Variants in XRN1 observed in about 807,000 individuals in gnomAD.
The protein encoded by XRN1 is strand-exchange protein 1 homolog.
XRN1 carries 67 observed loss-of-function variants against 222.3 expected under a neutral mutation model. That is an observed-to-expected ratio of 0.30 (90% CI 0.25 to 0.37). The LOEUF (loss-of-function observed/expected upper bound fraction) is 0.37. Ranked by LOEUF, XRN1 falls within the 10% of genes least tolerant of loss-of-function variation. The probability of loss-of-function intolerance (pLI) is 1.00; values close to 1 mark genes in which losing one functional copy is unlikely to be tolerated. For synonymous variants in XRN1, 643 were observed against 652.4 expected (o/e 0.99, Z 0.22); for missense variants, 1,707 against 2,000.2 (o/e 0.85, Z 2.80).
At chr3:142,377,213 G>A (rs2067170347) in intron 23 of XRN1, among the ~76,000 whole-genome samples, 1 of 147,134 alleles carries the variant, frequency 6.8e-6, no homozygotes. Context: ...AAAACATATT[G>A]TCACATTAAA....
intron 33 of XRN1, among the ~76,000 whole-genome samples, chr3:142,346,319 T>A (rs1386475571): frequency 6.6e-6 from 1 of 152,206 alleles, no homozygotes; most frequent in South Asian, 2.1e-4. Flanking sequence ...AGTGTAGTAT[T>A]TGCATATAAT....
At chr3:142,400,739 T>G (rs1258315621) in intron 18 of XRN1, among the ~76,000 whole-genome samples, 192 bp from the exon 19 acceptor site, 1 of 152,078 alleles carries the variant, frequency 6.6e-6, no homozygotes, top group African/African-American at 2.4e-5. Context: ...GCAAACATGA[T>G]GAAACCCCAT....
intron 3 of XRN1, among the ~76,000 whole-genome samples, chr3:142,426,070 C>T (rs184196783): frequency 3.3e-5 from 5 of 152,138 alleles, no homozygotes; most frequent in African/African-American, 9.6e-5. Flanking sequence ...TCTAAAACCA[C>T]AATCAGGATA....
chr3:142,429,872 G>A (rs2069448797), intron 2 of XRN1: 1 of 152,170 alleles, frequency 6.6e-6, no homozygotes, highest in South Asian at 2.1e-4. Context: ...TTTCAGCAAT[G>A]GTAAAGAAGA....
chr3:142,427,936 T>A (rs753335862), intron 2 of XRN1, among the ~76,000 whole-genome samples: 1 of 152,236 alleles, frequency 6.6e-6, no homozygotes, highest in Non-Finnish European at 1.5e-5. Flanking sequence ...CAAGTTTAAC[T>A]TCTCTCTCAC....
chr3:142,316,947 A>G (rs1211082846), intron 39 of XRN1, among the ~76,000 whole-genome samples: 4 of 152,170 alleles, frequency 2.6e-5, no homozygotes, highest in Admixed American at 6.5e-5. Context: ...GTATCTGAAA[A>G]TATCTTTGTG....
At position 142,447,432 on chromosome 3, in the gene XRN1, C is replaced by G. The variant is rs1315500275; in HGVS notation, c.75+438G>C. Among the ~76,000 whole-genome samples, 1 of 152,176 alleles carries G rather than the reference C, an allele frequency of 6.6e-6. No individual in the cohort carries two copies. The highest frequency in any genetic ancestry group is 6.5e-5 in the Admixed American group (1 of 15,282). The stretch of plus-strand genomic sequence containing the variant: ...TCAGGGAAAGTAAACAAGGTGACTG[C>G]GTGCGGAAGCGGCTGTTATCGTCTG... On this transcript the variant is annotated intron_variant, in intron 1 of 40. Coordinates refer to ENST00000392981, the MANE Select transcript of XRN1 (RefSeq NM_001282857.2). This position sits in a 1 kb window ranked among gnomAD's most constrained non-coding sequence, Gnocchi z 4.2.
At chr3:142,329,713 G>T in intron 36 of XRN1, 98 bp from the exon 37 acceptor site, 1 of 1,199,074 alleles carries the variant, frequency 8.3e-7, no homozygotes, top group Non-Finnish European at 1.1e-6. Flanking sequence ...GCAGGAAACT[G>T]CTAAAAAGTG....
At chr3:142,408,156 C>T (rs542783145) in intron 15 of XRN1, among the ~76,000 whole-genome samples, 3 of 152,206 alleles carry the variant, frequency 2.0e-5, no homozygotes, top group Non-Finnish European at 2.9e-5. Context: ...TTTTTCTTGA[C>T]ACCAACACCC....
chr3:142,431,918 A>AT (rs1475110836), intron 2 of XRN1, among the ~76,000 whole-genome samples: 6 of 79,060 alleles, frequency 7.6e-5, no homozygotes, highest in East Asian at 3.8e-4. Flanking sequence ...ATATAAATAT[A>AT]TATAATATAA....
chr3:142,307,141 C>T lies in XRN1; in HGVS notation c.*4370G>A, dbSNP rs993684440. On this transcript the variant is annotated 3_prime_UTR_variant, in exon 41 of 41. Coordinates refer to ENST00000392981, the MANE Select transcript of XRN1 (RefSeq NM_001282857.2). ...CCAAAAGACAAAAAAATCCAAAAAA[C>T]GAAAACAACCTCCCCATCCCCCACC... 1.4e-4 allele frequency: 21 copies of T among 151,886 alleles called. No individual in the cohort carries two copies. Among genetic ancestry groups the T allele is most frequent in the African/African-American group, 4.6e-4 (19 of 41,326 alleles). 9.4% of individuals were successfully genotyped at this position (151,886 alleles called of 1,614,324 possible).
chr3:142,384,648 A>T lies in XRN1; in HGVS notation c.2377T>A (p.Ser793Thr). The T allele has an allele frequency of 6.2e-7, 1 of 1,602,658 alleles. No homozygotes were observed. Among genetic ancestry groups the T allele is most frequent in the Non-Finnish European group, 8.5e-7 (1 of 1,175,734 alleles). Residue 793 changes from serine to threonine, a missense_variant, in exon 21 of 41, where the codon TCT (serine) becomes ACT (threonine). This residue lies in a region of XRN1 where 1,234 missense variants were observed against 1,518.2 expected (regional missense o/e 0.81). Transcript: ENST00000392981. ...RRKGIIINET[S>T]AVVYAQLLTG... ...AGTAACTGAGCATACACAACTGCAG[A>T]TGTTTCATTTATTATTATTCCTTTT...
In XRN1 at chr3:142,421,070, T is replaced by C. The variant is rs1244750932; in HGVS notation, c.1119A>G (p.Ala373=). ...TGGCTTCTTCTGCTGCGACACCTGC[T>C]GCTTCATTGAGGTACTTGTTACCAA... ...SKVGNKYLNE[A]AGVAAEEARN... The change falls in exon 10 of 41, where the codon GCA becomes GCG. Residue 373 remains alanine (A), a synonymous_variant. Coordinates refer to ENST00000392981, the MANE Select transcript of XRN1 (RefSeq NM_001282857.2). 6.2e-7 allele frequency: 1 copy of C among 1,614,118 alleles called. No individual in the cohort carries two copies. The highest frequency in any genetic ancestry group is 2.2e-5 in the East Asian group (1 of 44,840).
At chr3:142,351,318 G>T (rs1577269830) in intron 32 of XRN1, among the ~76,000 whole-genome samples, 1 of 152,148 alleles carries the variant, frequency 6.6e-6, no homozygotes, top group South Asian at 2.1e-4. Context: ...ACAGGGAAGG[G>T]TGGTATTCCA....
At chr3:142,347,178 A>AT (rs2066169337) in intron 33 of XRN1, 56 bp downstream of exon 33, 1 of 1,180,538 alleles carries the variant, frequency 8.5e-7, no homozygotes, top group Non-Finnish European at 1.2e-6. Flanking sequence ...TAAAATGTTT[A>AT]TTTTTTTAAA....
intron 20 of XRN1, among the ~76,000 whole-genome samples, chr3:142,392,489 A>C (rs1364334373): frequency 2.0e-5 from 3 of 152,026 alleles, no homozygotes; most frequent in African/African-American, 7.2e-5. Context: ...ACCACCCCAC[A>C]ACAGTCCCCA....
chr3:142,379,224 T>A (rs1460491100), intron 23 of XRN1, among the ~76,000 whole-genome samples: 1 of 152,120 alleles, frequency 6.6e-6, no homozygotes, highest in Non-Finnish European at 1.5e-5. Flanking sequence ...TGAGCCAAGA[T>A]CGTGCCACTG....
intron 36 of XRN1, among the ~76,000 whole-genome samples, chr3:142,331,624 A>T (rs2065698218): frequency 6.6e-6 from 1 of 152,216 alleles, no homozygotes; most frequent in African/African-American, 2.4e-5. Flanking sequence ...GTTACATGAT[A>T]ATTTTTAAAT....
intron 29 of XRN1, among the ~76,000 whole-genome samples, chr3:142,361,502 AAAAG>A: frequency 6.6e-6 from 1 of 152,312 alleles, no homozygotes; most frequent in South Asian, 2.1e-4. Context: ...GGGGGAGAAA[AAAAG>A]AACCCACTAA....
Sources: allele counts gnomAD v4.1 joint callset (sites outside exome capture counted in the v4.1 genomes callset), GRCh38; gene constraint gnomAD v4.1.1; regional missense constraint gnomAD v4.1.1; non-coding constraint Gnocchi (gnomAD v3.1); transcripts MANE v1.5; gene names NCBI Gene and HGNC (gene_info 2026-07-23, HGNC 2026-07-21).